Variants in WDR27 observed in about 807,000 individuals in gnomAD.
WDR27 encodes WD repeat-containing protein 27.
WDR27 carries 100 observed loss-of-function variants against 114.4 expected under a neutral mutation model. The ratio of observed to expected loss-of-function variants is 0.87; its 90% CI spans 0.74 to 1.03. The LOEUF is 1.03. Ranked by LOEUF, WDR27 falls within the 50% of genes least tolerant of loss-of-function variation. The pLI is 0.00. For missense variants in WDR27, 1,129 were observed against 1,092.9 expected (o/e 1.03, Z -0.47); for synonymous variants, 449 against 423.1 (o/e 1.06, Z -0.75).
chr6:169,632,953 T>C lies in WDR27; in HGVS notation c.2217A>G (p.Gln739=). ...TATCCAAAAACTTACTCACTTTATT[T>C]TGGCAGATTTGATGGACAGGCCGTG... ...AHSRPVHQIC[Q]NKGSSFTTQQ... is the part of the protein sequence containing the mutation. Residue 739 remains glutamine (Q), a synonymous_variant, in exon 21 of 26, where the codon CAA becomes CAG. Transcript: ENST00000448612. 1.3e-6 allele frequency: 2 copies of C among 1,583,100 alleles called. No individual in the cohort carries two copies. Among genetic ancestry groups the C allele is most frequent in the South Asian group, 1.1e-5 (1 of 88,154 alleles).
At chr6:169,698,404 A>AC in intron 1 of WDR27, among the ~76,000 whole-genome samples, 1 of 152,276 alleles carries the variant, frequency 6.6e-6, no homozygotes, top group South Asian at 2.1e-4. Context: ...TCAGGGACAC[A>AC]CCGACACACA....
the WDR27 span, among the ~76,000 whole-genome samples, chr6:169,451,858 CA>C: frequency 6.6e-6 from 1 of 152,132 alleles, no homozygotes; most frequent in African/African-American, 2.4e-5. Context: ...ATATTTTGCT[CA>C]TTTTTTATTG....
chr6:169,674,666 T>C (rs1352848216), intron 2 of WDR27, among the ~76,000 whole-genome samples: 2 of 152,192 alleles, frequency 1.3e-5, no homozygotes, highest in Non-Finnish European at 2.9e-5. Flanking sequence ...AAATAATGGC[T>C]GAAAATTTTC....
At chr6:169,606,426 C>T (rs1447702596) in intron 22 of WDR27, among the ~76,000 whole-genome samples, 2 of 152,134 alleles carry the variant, frequency 1.3e-5, no homozygotes, top group South Asian at 2.1e-4. Context: ...AGGTATTAAG[C>T]GTCACAAGCA....
rs561960536 is a variant in WDR27, at chr6:169,568,961, C to T, written c.2645+3458G>A. Among the ~76,000 whole-genome samples, 7 of 152,232 alleles carry T rather than the reference C, an allele frequency of 4.6e-5. 1 individual carries two copies. Among genetic ancestry groups the T allele is most frequent in the Admixed American group, 2.6e-4 (4 of 15,300 alleles). Reference sequence around the variant, plus strand: ...GTGCCATATGGTTTTAGAAGGAAGCCGCATGCCCCTGGTTTGCTGTCCCTG... The same window carrying T: ...GTGCCATATGGTTTTAGAAGGAAGCTGCATGCCCCTGGTTTGCTGTCCCTG... On this transcript the variant is annotated intron_variant, in intron 25 of 25. Coordinates refer to ENST00000448612, the MANE Select transcript of WDR27 (RefSeq NM_182552.5).
the WDR27 span, among the ~76,000 whole-genome samples, chr6:169,449,355 C>T: frequency 2.0e-5 from 3 of 152,156 alleles, no homozygotes; most frequent in African/African-American, 4.8e-5. Flanking sequence ...TGTACAAACT[C>T]CAGGGGAATT....
At position 169,527,657 on chromosome 6, in the gene WDR27, A is replaced by G. The variant is rs371118614; in HGVS notation, c.2645+44762T>C. 1.3e-4 allele frequency among the ~76,000 whole-genome samples: 20 copies of G among 152,314 alleles called. No individual in the cohort carries two copies. In the South Asian group the frequency reaches 2.5e-3, roughly 19 times the overall value. On this transcript the variant is annotated intron_variant, in intron 25 of 25. Coordinates refer to ENST00000448612, the MANE Select transcript of WDR27 (RefSeq NM_182552.5). ...ATATCTTAATAAAAATATCTAATAG[A>G]AATATACAATAAAATATTTACAGAT...
chr6:169,594,371 C>T (rs1160339236), intron 23 of WDR27, among the ~76,000 whole-genome samples: 1 of 152,148 alleles, frequency 6.6e-6, no homozygotes, highest in Non-Finnish European at 1.5e-5. Context: ...TTGATGTGCA[C>T]TTGAAAATAA....
chr6:169,650,577 C>T (rs1299559554), intron 14 of WDR27, among the ~76,000 whole-genome samples: 1 of 149,486 alleles, frequency 6.7e-6, no homozygotes, highest in African/African-American at 2.5e-5. Context: ...ACCCATTCAT[C>T]CATTGCTCAT....
intron 15 of WDR27, 105 bp from the exon 16 acceptor site, chr6:169,647,975 A>C (rs1821233646): frequency 1.4e-6 from 1 of 715,542 alleles, no homozygotes. Context: ...CTACATGTAT[A>C]ATCGTATTCC....
chr6:169,657,065 G>C (rs1824417643), intron 13 of WDR27, among the ~76,000 whole-genome samples: 1 of 152,168 alleles, frequency 6.6e-6, no homozygotes, highest in African/African-American at 2.4e-5. Flanking sequence ...CACCGACAGT[G>C]GGTCTTTCAT....
intron 21 of WDR27, among the ~76,000 whole-genome samples, chr6:169,624,268 CGTGTGGTGTCAGGT>C (rs950694052): frequency 6.7e-6 from 1 of 148,604 alleles, no homozygotes; most frequent in Non-Finnish European, 1.5e-5. Context: ...CAGTGTGTGG[CGTGTGGTGTCAGGT>C]GTGTGGCGTC....
At chr6:169,636,297 A>T in intron 19 of WDR27, 74 bp downstream of exon 19, 15 of 1,550,354 alleles carry the variant, frequency 9.7e-6, no homozygotes, top group Non-Finnish European at 1.2e-5. Context: ...TAAAATGTAA[A>T]TACCTTTCAA....
At chr6:169,546,232 G>T (rs1038178743) in intron 25 of WDR27, among the ~76,000 whole-genome samples, 1 of 152,160 alleles carries the variant, frequency 6.6e-6, no homozygotes, top group Non-Finnish European at 1.5e-5. Flanking sequence ...CCAATAAAAG[G>T]AAACAAGCAA....
intron 1 of WDR27, among the ~76,000 whole-genome samples, chr6:169,691,454 A>C (rs867489063): frequency 2.0e-4 from 31 of 152,314 alleles, no homozygotes; most frequent in African/African-American, 7.0e-4. Context: ...CTGTAACTTG[A>C]GCATGGCAGT....
chr6:169,628,445 G>A (rs574246994), intron 21 of WDR27, among the ~76,000 whole-genome samples: 3 of 152,294 alleles, frequency 2.0e-5, no homozygotes, highest in East Asian at 1.9e-4. Context: ...GGAACACAGC[G>A]TGTCACAGGG....
intron 2 of WDR27, among the ~76,000 whole-genome samples, chr6:169,675,916 A>G (rs953629585): frequency 6.6e-6 from 1 of 152,206 alleles, no homozygotes; most frequent in Non-Finnish European, 1.5e-5. Context: ...TCTCTATAGA[A>G]TATGGATTTT....
intron 25 of WDR27, among the ~76,000 whole-genome samples, chr6:169,566,841 C>T (rs116993419): frequency 1.1e-3 from 166 of 152,284 alleles, no homozygotes; most frequent in Non-Finnish European, 1.9e-3. Flanking sequence ...TAAGAACATG[C>T]ACAGATGTGC....
chr6:169,464,249 T>G (rs1583581047), intron 25 of WDR27, among the ~76,000 whole-genome samples: 1 of 152,304 alleles, frequency 6.6e-6, no homozygotes, highest in South Asian at 2.1e-4. Context: ...GGTCAAATTA[T>G]TTTTGAGAAG....
Sources: gnomAD v4.1 joint callset for allele counts (sites outside exome capture counted in the v4.1 genomes callset) on GRCh38, gnomAD v4.1.1 for gene constraint, MANE v1.5 for transcripts, NCBI Gene and HGNC (gene_info 2026-07-23, HGNC 2026-07-21) for gene names.